DYNC1I1: variants seen among roughly 807,000 people sequenced by gnomAD.
DYNC1I1 encodes dynein cytoplasmic 1 intermediate chain 1.
A neutral mutation model predicts 86.6 loss-of-function variants in DYNC1I1; 43 were observed. The ratio of observed to expected loss-of-function variants is 0.50; its 90% CI spans 0.39 to 0.64. The LOEUF is 0.64. Among genes scored for constraint, DYNC1I1 ranks in the 30% least tolerant of loss-of-function variants. The probability of loss-of-function intolerance (pLI) is 0.00; values close to 1 mark genes in which losing one functional copy is unlikely to be tolerated. For missense variants in DYNC1I1, 604 were observed against 788.8 expected, an observed-to-expected ratio of 0.77 and a Z score of 2.81; for synonymous variants, 262 against 283.7, an observed-to-expected ratio of 0.92 and a Z score of 0.77.
At chr7:95,979,239 G>A (rs987018190) in intron 7 of DYNC1I1, among the ~76,000 whole-genome samples, 2 of 152,190 alleles carry the variant, frequency 1.3e-5, no homozygotes, top group Non-Finnish European at 2.9e-5. Context: ...AAAAAGCATA[G>A]CCTCTGGAGC....
intron 14 of DYNC1I1, among the ~76,000 whole-genome samples, chr7:96,050,021 C>CAAAAAAAAAAAA (rs1325932449): frequency 6.0e-5 from 8 of 132,388 alleles, no homozygotes; most frequent in African/African-American, 2.4e-4. Flanking sequence ...GACTCCATCT[C>CAAAAAAAAAAAA]AAAAAAAACA....
intron 1 of DYNC1I1, among the ~76,000 whole-genome samples, chr7:95,799,982 T>A (rs1427355830): frequency 6.6e-6 from 1 of 150,488 alleles, no homozygotes; most frequent in East Asian, 2.0e-4. Context: ...AGAAACAACT[T>A]TTCTTGGGTA....
chr7:96,065,717 C>G (rs1317707483), intron 14 of DYNC1I1, among the ~76,000 whole-genome samples: 1 of 152,122 alleles, frequency 6.6e-6, no homozygotes, highest in African/African-American at 2.4e-5. Flanking sequence ...CACAGCACCT[C>G]GTGTGACTGA....
intron 10 of DYNC1I1, among the ~76,000 whole-genome samples, chr7:95,996,947 G>A (rs1793882233): frequency 6.6e-6 from 1 of 152,114 alleles, no homozygotes; most frequent in Admixed American, 6.5e-5. Context: ...GTTGATTTTT[G>A]GAAGCTTAGT....
chr7:95,799,553 T>A (rs1298839211), intron 1 of DYNC1I1, among the ~76,000 whole-genome samples: 1 of 152,186 alleles, frequency 6.6e-6, no homozygotes, highest in Admixed American at 6.5e-5. Context: ...CAGCTTGATA[T>A]GTAATTCTTA....
rs1794637520 is a variant in DYNC1I1 at position 96,024,789 on chromosome 7, T to C, written c.970-3386T>C. Among the ~76,000 whole-genome samples the C allele has an allele frequency of 3.9e-5, 6 of 152,172 alleles. No individual in the cohort carries two copies. In the South Asian group the frequency reaches 1.2e-3, roughly 32 times the overall value. On this transcript the variant is annotated intron_variant, in intron 10 of 16. Coordinates refer to ENST00000447467, the MANE Select transcript of DYNC1I1 (RefSeq NM_001135556.2). The stretch of plus-strand genomic sequence containing the variant: ...GTGTCAACCAATTTTTCTGAAATGT[T>C]TTTTACTTTTAACCAAATAGAGGTA...
chr7:95,892,588 G>T (rs1269935556), intron 6 of DYNC1I1, among the ~76,000 whole-genome samples: 2 of 152,174 alleles, frequency 1.3e-5, no homozygotes, highest in Non-Finnish European at 2.9e-5. Context: ...TGGGATTACA[G>T]GTGTAAGCCA....
In DYNC1I1 at chr7:95,835,389, C is replaced by T. The variant is rs1037917352; in HGVS notation, c.374+7273C>T. Among the ~76,000 whole-genome samples the T allele has an allele frequency of 2.4e-3, 349 of 146,090 alleles. 2 individuals are homozygous for T. Among genetic ancestry groups the T allele is most frequent in the African/African-American group, 8.7e-3 (336 of 38,538 alleles). On this transcript the variant is annotated intron_variant, in intron 5 of 16. Coordinates refer to ENST00000447467, the MANE Select transcript of DYNC1I1 (RefSeq NM_001135556.2). ...CATTTGCTGAGGAGAGCTTTACTTC[C>T]AAGTATGTGGTCAATTTTGGAATAG...
intron 1 of DYNC1I1, among the ~76,000 whole-genome samples, chr7:95,773,443 GCGT>G (rs373660404): frequency 5.2e-4 from 79 of 152,242 alleles, no homozygotes; most frequent in African/African-American, 1.7e-3. Flanking sequence ...ATAAATCCGT[GCGT>G]CGTCATCATA....
intron 1 of DYNC1I1, among the ~76,000 whole-genome samples, chr7:95,784,912 C>T (rs538205812): frequency 1.4e-4 from 21 of 152,218 alleles, no homozygotes; most frequent in Middle Eastern, 3.4e-3. Context: ...TTCTTTTGGC[C>T]AGGTTCTGCC....
At chr7:96,079,919 A>G (rs1790461534) in intron 15 of DYNC1I1, among the ~76,000 whole-genome samples, 1 of 152,182 alleles carries the variant, frequency 6.6e-6, no homozygotes, top group Non-Finnish European at 1.5e-5. Context: ...TCACATTAAT[A>G]TGACTTTTTT....
rs1793618869 is a variant in DYNC1I1 at position 95,987,212 on chromosome 7, T to TA, written c.843+64dup. 6 of 1,460,724 alleles carry TA rather than the reference T, an allele frequency of 4.1e-6. No homozygotes were observed. The Admixed American group carries it at 1.1e-4, about 27-fold the overall frequency. 90.5% of individuals were successfully genotyped at this position (1,460,724 alleles called of 1,614,324 possible). A position where few individuals can be genotyped will look rare whatever the true frequency, so the allele number is the denominator to read the frequency against. ...GGCTTGTGTTCTCGTGGCATTTGTA[T>TA]AAAAAAATAAGAGATTTGTTTACTT... On this transcript the variant is annotated intron_variant, in intron 9 of 16. Coordinates refer to ENST00000447467, the MANE Select transcript of DYNC1I1 (RefSeq NM_001135556.2).
intron 6 of DYNC1I1, among the ~76,000 whole-genome samples, chr7:95,902,493 G>A (rs1791065091): frequency 1.3e-5 from 2 of 152,152 alleles, no homozygotes; most frequent in African/African-American, 4.8e-5. Context: ...AAGAATTTAT[G>A]CAGTGTCCTC....
chr7:95,802,787 G>A (rs1418020648), intron 1 of DYNC1I1: 1 of 152,148 alleles, frequency 6.6e-6, no homozygotes, highest in African/African-American at 2.4e-5. Flanking sequence ...AAAGCACTGG[G>A]GTTACAGGTA....
At chr7:95,814,987 TG>T (rs4014677) in intron 4 of DYNC1I1, among the ~76,000 whole-genome samples, 2 of 151,372 alleles carry the variant, frequency 1.3e-5, no homozygotes, top group Admixed American at 6.6e-5. Context: ...TCACATTTCT[TG>T]GGGGGGGTCC....
chr7:95,841,050 C>T (rs1021716233), intron 5 of DYNC1I1, among the ~76,000 whole-genome samples: 3 of 152,168 alleles, frequency 2.0e-5, no homozygotes, highest in African/African-American at 4.8e-5. Context: ...CTCACTCAGA[C>T]GCAGGCTGTT....
intron 16 of DYNC1I1, among the ~76,000 whole-genome samples, chr7:96,093,585 T>A (rs1288357542): frequency 6.6e-6 from 1 of 152,140 alleles, no homozygotes; most frequent in African/African-American, 2.4e-5. Context: ...TAGCAAAAAA[T>A]TAGAAAACAG....
chr7:95,935,815 C>T (rs1372328231), intron 6 of DYNC1I1, among the ~76,000 whole-genome samples: 4 of 151,910 alleles, frequency 2.6e-5, no homozygotes, highest in Non-Finnish European at 5.9e-5. Context: ...AGACATTTCT[C>T]CAAAAAAGAC....
At chr7:95,820,522 C>A (rs907098522) in intron 4 of DYNC1I1, among the ~76,000 whole-genome samples, 1 of 152,182 alleles carries the variant, frequency 6.6e-6, no homozygotes, top group African/African-American at 2.4e-5. Context: ...ACAGAGAAGA[C>A]ATGTGGAACA....
Sources: gnomAD v4.1 joint callset for allele counts (sites outside exome capture counted in the v4.1 genomes callset) on GRCh38, gnomAD v4.1.1 for gene constraint, MANE v1.5 for transcripts, NCBI Gene and HGNC (gene_info 2026-07-23, HGNC 2026-07-21) for gene names.